The following CDH13 variants were observed in gnomAD, a reference collection of about 807,000 sequenced individuals.
The protein encoded by CDH13 is cadherin 13.
Under a neutral mutation model 63.8 loss-of-function variants are expected in CDH13, and 24 were observed. That is an observed-to-expected ratio of 0.38 (90% CI 0.27 to 0.53). The LOEUF (loss-of-function observed/expected upper bound fraction) is 0.53, where lower values mean the gene tolerates loss of function less well. Among genes scored for constraint, CDH13 ranks in the 20% least tolerant of loss-of-function variants. The pLI, the probability that CDH13 is intolerant of heterozygous loss-of-function variation, is 0.85. For missense variants in CDH13, 1,049 were observed against 903.1 expected, an observed-to-expected ratio of 1.16 and a Z score of -2.07; for synonymous variants, 503 against 355.3, an observed-to-expected ratio of 1.42 and a Z score of -4.67.
chr16:82,747,485 A>G (rs1345153669), intron 1 of CDH13, among the ~76,000 whole-genome samples: 2 of 152,180 alleles, frequency 1.3e-5, no homozygotes, highest in Admixed American at 1.3e-4. Flanking sequence ...GTGCTTCTCA[A>G]AGTATGGTCC....
chr16:83,437,473 C>T (rs1299696070), intron 6 of CDH13, among the ~76,000 whole-genome samples: 2 of 151,962 alleles, frequency 1.3e-5, no homozygotes, highest in African/African-American at 2.4e-5. Flanking sequence ...ATCAGGAGAT[C>T]GAGACCATCC....
chr16:83,681,005 C>G (rs3784945), intron 10 of CDH13, among the ~76,000 whole-genome samples: 5,055 of 152,006 alleles, frequency 0.033, 201 homozygotes, highest in East Asian at 0.2. Context: ...CTTGATCCTA[C>G]CAGAGGAAAG....
intron 2 of CDH13, among the ~76,000 whole-genome samples, chr16:82,928,808 T>C (rs1487052703): frequency 1.3e-5 from 2 of 152,294 alleles, no homozygotes; most frequent in East Asian, 3.9e-4. Context: ...ACTGGAAAGG[T>C]TGGAGATTGG....
chr16:82,639,281 C>G, intron 1 of CDH13: 1 of 945,148 alleles, frequency 1.1e-6, no homozygotes, highest in Non-Finnish European at 1.6e-6. Flanking sequence ...CCTGTCTGGG[C>G]TACTGATTGC....
At chr16:82,940,505 G>T (rs533093777) in intron 2 of CDH13, among the ~76,000 whole-genome samples, 5 of 152,122 alleles carry the variant, frequency 3.3e-5, no homozygotes, top group Non-Finnish European at 7.4e-5. Flanking sequence ...TCAGTTTGAT[G>T]CCTTGTTCCA....
chr16:82,788,634 C>A (rs2036139442), intron 1 of CDH13, among the ~76,000 whole-genome samples: 1 of 152,108 alleles, frequency 6.6e-6, no homozygotes, highest in African/African-American at 2.4e-5. Flanking sequence ...ATGAAATTAC[C>A]CCTCGTTCTA....
chr16:83,048,827 A>C (rs74894165), intron 3 of CDH13, among the ~76,000 whole-genome samples: 17 of 152,178 alleles, frequency 1.1e-4, no homozygotes, highest in African/African-American at 2.9e-4. Flanking sequence ...AACGTGGTCA[A>C]ATCTTCCCAG....
chr16:83,277,852 A>C (rs1489269259), intron 5 of CDH13, among the ~76,000 whole-genome samples: 2 of 152,156 alleles, frequency 1.3e-5, no homozygotes, highest in Non-Finnish European at 2.9e-5. Context: ...GTTTTGTAGA[A>C]ATATAAAGGA....
intron 2 of CDH13, among the ~76,000 whole-genome samples, chr16:82,959,069 C>T (rs1003003994): frequency 6.6e-6 from 1 of 152,218 alleles, no homozygotes; most frequent in African/African-American, 2.4e-5. Context: ...CATGATCTGA[C>T]AGCTGTAACC....
intron 1 of CDH13, among the ~76,000 whole-genome samples, chr16:82,670,882 A>G (rs955690190): frequency 2.0e-5 from 3 of 152,202 alleles, no homozygotes; most frequent in Non-Finnish European, 4.4e-5. Context: ...CATTTTTCCC[A>G]TGGCTGTCAC....
At chr16:82,682,642 C>T (rs779489431) in intron 1 of CDH13, among the ~76,000 whole-genome samples, 12 of 152,042 alleles carry the variant, frequency 7.9e-5, no homozygotes, top group Non-Finnish European at 5.9e-5. Context: ...AATATTTGCC[C>T]CCTAGGAAAT....
intron 1 of CDH13, among the ~76,000 whole-genome samples, chr16:82,817,479 A>G (rs1005031898): frequency 1.3e-5 from 2 of 152,188 alleles, no homozygotes; most frequent in African/African-American, 4.8e-5. Flanking sequence ...ACAGAAATAT[A>G]TAGTTACACT....
At chr16:82,747,531 T>C (rs62034517) in intron 1 of CDH13, among the ~76,000 whole-genome samples, 15,155 of 152,200 alleles carry the variant, frequency 0.1, 853 homozygotes, top group Middle Eastern at 0.12. Context: ...TGAGAACTTA[T>C]TTGAAATGCA....
intron 2 of CDH13, among the ~76,000 whole-genome samples, chr16:82,888,863 G>T (rs377395097): frequency 6.6e-6 from 1 of 152,322 alleles, no homozygotes; most frequent in East Asian, 1.9e-4. Context: ...CTTGTGGCCG[G>T]TTATAAAATG....
chr16:83,695,058 T>C (rs1905243670), intron 10 of CDH13, among the ~76,000 whole-genome samples: 2 of 151,938 alleles, frequency 1.3e-5, no homozygotes, highest in Admixed American at 6.6e-5. Flanking sequence ...AATACAAAAA[T>C]TAGCCAGGTG....
intron 5 of CDH13, among the ~76,000 whole-genome samples, chr16:83,299,112 A>C (rs1047639049): frequency 6.6e-6 from 1 of 152,208 alleles, no homozygotes; most frequent in African/African-American, 2.4e-5. Flanking sequence ...CCAAAATAGA[A>C]TCATACCATA....
chr16:83,371,973 A>G (rs2091375523), intron 6 of CDH13, among the ~76,000 whole-genome samples: 1 of 152,226 alleles, frequency 6.6e-6, no homozygotes, highest in Admixed American at 6.5e-5. Flanking sequence ...ATATAGGGAT[A>G]CCTTTGGGGA....
intron 7 of CDH13, among the ~76,000 whole-genome samples, chr16:83,591,258 C>G (rs1906717285): frequency 6.6e-6 from 1 of 152,174 alleles, no homozygotes; most frequent in Non-Finnish European, 1.5e-5. Flanking sequence ...TCTTACGTAC[C>G]TGCTATGTAC....
intron 6 of CDH13, among the ~76,000 whole-genome samples, chr16:83,360,413 T>G (rs371144881): frequency 9.2e-5 from 14 of 152,204 alleles, no homozygotes; most frequent in Admixed American, 2.6e-4. Flanking sequence ...ACAATTTTAG[T>G]TGGTTTGATT....
Sources: gnomAD v4.1 joint callset for allele counts (sites outside exome capture counted in the v4.1 genomes callset) on GRCh38, gnomAD v4.1.1 for gene constraint, MANE v1.5 for transcripts, NCBI Gene and HGNC (gene_info 2026-07-23, HGNC 2026-07-21) for gene names.